AUTS2: variants seen among roughly 807,000 people sequenced by gnomAD.
The protein encoded by AUTS2 is autism susceptibility gene 2 protein.
In AUTS2, 17 loss-of-function variants were observed where a neutral mutation model predicts 112.4. The ratio of observed to expected loss-of-function variants is 0.15; its 90% CI spans 0.10 to 0.23. The LOEUF is 0.23. AUTS2 is among the 10% of genes least tolerant of loss of function. The pLI is 1.00. For missense variants in AUTS2, 1,510 were observed against 1,701.6 expected, an observed-to-expected ratio of 0.89 and a Z score of 1.98; for synonymous variants, 751 against 702.7, an observed-to-expected ratio of 1.07 and a Z score of -1.09.
chr7:69,995,289 C>G (rs2129551965), intron 2 of AUTS2, among the ~76,000 whole-genome samples: 1 of 152,288 alleles, frequency 6.6e-6, no homozygotes, highest in South Asian at 2.1e-4. Flanking sequence ...TATATAAAAG[C>G]AACTAGGGTT....
intron 4 of AUTS2, among the ~76,000 whole-genome samples, chr7:70,360,358 G>C (rs1481282225): frequency 2.0e-5 from 3 of 152,112 alleles, no homozygotes; most frequent in Admixed American, 6.5e-5. Flanking sequence ...TGTTGTCCAG[G>C]CTGGTCTCAA....
intron 4 of AUTS2, among the ~76,000 whole-genome samples, chr7:70,425,488 G>A (rs558203543): frequency 9.5e-4 from 144 of 152,264 alleles, no homozygotes; most frequent in Non-Finnish European, 1.6e-3. Context: ...ACTCCAAGAG[G>A]AGATTCCTCA....
At chr7:69,960,957 T>C (rs1797406827) in intron 2 of AUTS2, among the ~76,000 whole-genome samples, 1 of 152,130 alleles carries the variant, frequency 6.6e-6, no homozygotes, top group Non-Finnish European at 1.5e-5. Flanking sequence ...CTTGTGTGTA[T>C]CATTAGTCTT....
chr7:70,403,113 AC>A (rs1394103967), intron 4 of AUTS2, among the ~76,000 whole-genome samples: 2 of 152,198 alleles, frequency 1.3e-5, no homozygotes, highest in Admixed American at 1.3e-4. Context: ...CGGGAAAGGT[AC>A]CCTAGCCCCC....
At chr7:70,448,659 T>A (rs1179757755) in intron 5 of AUTS2, among the ~76,000 whole-genome samples, 1 of 152,220 alleles carries the variant, frequency 6.6e-6, no homozygotes, top group Non-Finnish European at 1.5e-5. Context: ...AAATAATGTA[T>A]TCCTCAGAGA....
chr7:69,959,851 G>A (rs1462980988), intron 2 of AUTS2, among the ~76,000 whole-genome samples: 2 of 152,136 alleles, frequency 1.3e-5, no homozygotes, highest in African/African-American at 4.8e-5. Context: ...TGCACCTGGT[G>A]TATAGAAGGC....
At chr7:70,318,622 T>G (rs963425472) in intron 4 of AUTS2, among the ~76,000 whole-genome samples, 1 of 152,212 alleles carries the variant, frequency 6.6e-6, no homozygotes, top group Non-Finnish European at 1.5e-5. Flanking sequence ...TCTTTAAGCA[T>G]TGGGACCATG....
intron 6 of AUTS2, among the ~76,000 whole-genome samples, chr7:70,760,466 T>C (rs1789501534): frequency 6.6e-6 from 1 of 152,268 alleles, no homozygotes; most frequent in African/African-American, 2.4e-5. Flanking sequence ...CTGTTCTTAC[T>C]TTCTGTCCCA....
At chr7:70,401,146 G>A (rs1365002839) in intron 4 of AUTS2, among the ~76,000 whole-genome samples, 3 of 152,170 alleles carry the variant, frequency 2.0e-5, no homozygotes, top group East Asian at 1.9e-4. Context: ...AACAAATAAT[G>A]TCAAGGTTTA....
chr7:70,528,760 GA>G (rs1274253573), intron 5 of AUTS2, among the ~76,000 whole-genome samples: 1 of 151,132 alleles, frequency 6.6e-6, no homozygotes, highest in Non-Finnish European at 1.5e-5. Context: ...TTATGCCTGC[GA>G]ATAGCCACTG....
In AUTS2 at chr7:70,714,327, CT is replaced by C. The variant is rs560812352; in HGVS notation, c.742+15715del. 1.5e-3 allele frequency among the ~76,000 whole-genome samples: 228 copies of C among 152,116 alleles called. 1 individual carries two copies. Among genetic ancestry groups the C allele is most frequent in the African/African-American group, 5.2e-3 (216 of 41,504 alleles). On this transcript the variant is annotated intron_variant, in intron 6 of 18. Coordinates refer to ENST00000342771, the MANE Select transcript of AUTS2 (RefSeq NM_015570.4). ...ATAGGCTGGATAGGGCGATGTCCAC[CT>C]TTTTTTTCTTTATTGCTGAAATATT... is the stretch of plus-strand genomic sequence containing the variant.
At chr7:70,240,073 G>A (rs532942168) in intron 4 of AUTS2, among the ~76,000 whole-genome samples, 2 of 152,280 alleles carry the variant, frequency 1.3e-5, no homozygotes, top group East Asian at 3.9e-4. Context: ...AGTTCTTAGA[G>A]GTTGCCTGAG....
At chr7:70,279,233 CTT>C (rs564995171) in intron 4 of AUTS2, among the ~76,000 whole-genome samples, 8 of 152,192 alleles carry the variant, frequency 5.3e-5, no homozygotes, top group African/African-American at 1.9e-4. Flanking sequence ...GGCACTCTCT[CTT>C]GGACCCTTTT....
At chr7:70,496,169 T>A (rs1282217469) in intron 5 of AUTS2, among the ~76,000 whole-genome samples, 31 of 40,100 alleles carry the variant, frequency 7.7e-4, no homozygotes, top group East Asian at 1.6e-3. Flanking sequence ...ACGTACACAG[T>A]CACACACACA....
intron 1 of AUTS2, among the ~76,000 whole-genome samples, chr7:69,770,578 A>C (rs751864246): frequency 6.6e-6 from 1 of 152,110 alleles, no homozygotes; most frequent in Non-Finnish European, 1.5e-5. Flanking sequence ...TGACATGTAG[A>C]GTGAGCTACA....
At chr7:70,754,078 G>A (rs142390168) in intron 6 of AUTS2, among the ~76,000 whole-genome samples, 3,137 of 152,120 alleles carry the variant, frequency 0.021, 131 homozygotes, top group African/African-American at 0.069. Context: ...AGAGAATGGC[G>A]TGAACCCAGG....
At chr7:70,441,580 T>C (rs1279224916) in intron 5 of AUTS2, among the ~76,000 whole-genome samples, 2 of 152,084 alleles carry the variant, frequency 1.3e-5, no homozygotes, top group Non-Finnish European at 2.9e-5. Context: ...AGAGATGGAG[T>C]CTCACTATGT....
In AUTS2 at chr7:70,530,326, T is replaced by C. The variant is rs114288931; in HGVS notation, c.690+94545T>C. On this transcript the variant is annotated intron_variant, in intron 5 of 18. Coordinates refer to ENST00000342771, the MANE Select transcript of AUTS2 (RefSeq NM_015570.4). ...ATGAAGTAAACAGCCTTTAACGGCC[T>C]CCTGGGAGTGTGACAGATAGTCTGT... Among the ~76,000 whole-genome samples, 952 of 152,290 alleles carry C rather than the reference T, an allele frequency of 6.3e-3. 15 individuals carry two copies. The highest frequency in any genetic ancestry group is 0.022 in the African/African-American group (907 of 41,548).
intron 5 of AUTS2, among the ~76,000 whole-genome samples, chr7:70,582,783 TAAG>T (rs1452866911): frequency 6.6e-6 from 1 of 152,210 alleles, no homozygotes; most frequent in African/African-American, 2.4e-5. Context: ...TTCTTGCAAA[TAAG>T]AACTCCTTTC....
Sources: gnomAD v4.1 joint callset for allele counts (sites outside exome capture counted in the v4.1 genomes callset) on GRCh38, gnomAD v4.1.1 for gene constraint, MANE v1.5 for transcripts, NCBI Gene and HGNC (gene_info 2026-07-23, HGNC 2026-07-21) for gene names.